The following FAF1 variants were observed in gnomAD, a reference collection of about 807,000 sequenced individuals.
The protein encoded by FAF1 is Fas associated factor 1, also known as FAS-associated factor 1.
A neutral mutation model predicts 92.5 loss-of-function variants in FAF1; 25 were observed. The observed-to-expected ratio is 0.27, with a 90% CI of 0.20 to 0.38. The LOEUF (loss-of-function observed/expected upper bound fraction) is 0.38, where lower values mean the gene tolerates loss of function less well. Ranked by LOEUF, FAF1 falls within the 10% of genes least tolerant of loss-of-function variation. The pLI, the probability that FAF1 is intolerant of heterozygous loss-of-function variation, is 1.00. For synonymous variants in FAF1, 234 were observed against 273.2 expected (o/e 0.86, Z 1.42); for missense variants, 636 against 793.3 (o/e 0.80, Z 2.38).
At chr1:50,852,039 T>C (rs192783375) in intron 2 of FAF1, among the ~76,000 whole-genome samples, 31 of 152,280 alleles carry the variant, frequency 2.0e-4, no homozygotes, top group African/African-American at 7.0e-4. Flanking sequence ...TGAGCTTTCC[T>C]TATATAGAAT....
intron 4 of FAF1, among the ~76,000 whole-genome samples, chr1:50,783,371 A>G (rs565469049): frequency 3.3e-5 from 5 of 152,238 alleles, no homozygotes; most frequent in African/African-American, 7.2e-5. Context: ...CCAGCATTAC[A>G]TCAATACCAA....
At chr1:50,570,013 C>T (rs1051955732) in intron 12 of FAF1, among the ~76,000 whole-genome samples, 4 of 152,100 alleles carry the variant, frequency 2.6e-5, no homozygotes, top group African/African-American at 9.7e-5. Flanking sequence ...GAGGATCAAC[C>T]ATTCTGCATT....
intron 7 of FAF1, among the ~76,000 whole-genome samples, chr1:50,676,888 A>G (rs556789926): frequency 6.6e-6 from 1 of 152,220 alleles, no homozygotes; most frequent in African/African-American, 2.4e-5. Flanking sequence ...GAGATATAGG[A>G]GTACATACTT....
intron 7 of FAF1, among the ~76,000 whole-genome samples, chr1:50,698,579 A>C (rs1269652829): frequency 6.6e-6 from 1 of 152,022 alleles, no homozygotes; most frequent in Non-Finnish European, 1.5e-5. Context: ...TGCTGCAAAA[A>C]ATTTTTTGCA....
At chr1:50,665,404 C>G (rs529034507) in intron 7 of FAF1, among the ~76,000 whole-genome samples, 1 of 152,276 alleles carries the variant, frequency 6.6e-6, no homozygotes, top group South Asian at 2.1e-4. Flanking sequence ...TTCATTGCAG[C>G]CTTGTTTATC....
chr1:50,868,579 T>C (rs1424182360), intron 1 of FAF1, among the ~76,000 whole-genome samples: 1 of 152,192 alleles, frequency 6.6e-6, no homozygotes, highest in Non-Finnish European at 1.5e-5. Context: ...TGTAGCTACA[T>C]CTCACAAATT....
At chr1:50,768,954 A>C (rs1218426550) in intron 4 of FAF1, among the ~76,000 whole-genome samples, 1 of 152,160 alleles carries the variant, frequency 6.6e-6, no homozygotes, top group Non-Finnish European at 1.5e-5. Flanking sequence ...AGCTGAACTG[A>C]AGGAAACTGA....
At chr1:50,867,244 A>G (rs899852690) in intron 1 of FAF1, among the ~76,000 whole-genome samples, 9 of 152,168 alleles carry the variant, frequency 5.9e-5, no homozygotes, top group African/African-American at 2.2e-4. Context: ...AGAAGATAAC[A>G]TTGGAAAAAC....
At chr1:50,530,250 T>C (rs1648072231) in intron 15 of FAF1, among the ~76,000 whole-genome samples, 1 of 149,496 alleles carries the variant, frequency 6.7e-6, no homozygotes, top group Non-Finnish European at 1.5e-5. Context: ...TGTGTGTGTG[T>C]GTGTGTGTGT....
chr1:50,461,843 T>C (rs1646434712), intron 18 of FAF1, among the ~76,000 whole-genome samples: 1 of 148,684 alleles, frequency 6.7e-6, no homozygotes, highest in Non-Finnish European at 1.5e-5. Flanking sequence ...CAGTTGATAT[T>C]GGACAAAGAT....
chr1:50,464,485 G>A (rs1646470795), intron 18 of FAF1, among the ~76,000 whole-genome samples: 1 of 152,144 alleles, frequency 6.6e-6, no homozygotes, highest in Admixed American at 6.6e-5. Context: ...CATTTTTACT[G>A]CATTTTACTA....
At chr1:50,491,445 T>C (rs1411906181) in intron 16 of FAF1, among the ~76,000 whole-genome samples, 1 of 152,210 alleles carries the variant, frequency 6.6e-6, no homozygotes, top group Non-Finnish European at 1.5e-5. Context: ...CCTAAAGAGC[T>C]TTCCAAAAAT....
intron 1 of FAF1, among the ~76,000 whole-genome samples, chr1:50,918,775 T>TC (rs1644940380): frequency 7.7e-6 from 1 of 130,350 alleles, no homozygotes; most frequent in Non-Finnish European, 1.6e-5. Flanking sequence ...CACACTGACT[T>TC]CCACAATGGT....
At chr1:50,813,615 C>G (rs1364424113) in intron 2 of FAF1, among the ~76,000 whole-genome samples, 1 of 152,094 alleles carries the variant, frequency 6.6e-6, no homozygotes, top group Non-Finnish European at 1.5e-5. Context: ...CAAGCACCAC[C>G]ATGCCCAACT....
Position 50,714,450 on chromosome 1 carries a change from T to C in FAF1, c.552-8559A>G, listed in dbSNP as rs1205779020. 1.3e-5 allele frequency among the ~76,000 whole-genome samples: 2 copies of C among 152,034 alleles called. 1 individual carries two copies. The highest frequency in any genetic ancestry group is 4.8e-5 in the African/African-American group (2 of 41,392). Reference sequence around the variant, plus strand: ...ATCTCTTGAACCTGGAAGGCAGAGATTGCAGTAAGCCAAGACTGCCACTGC... The same window carrying C: ...ATCTCTTGAACCTGGAAGGCAGAGACTGCAGTAAGCCAAGACTGCCACTGC... On this transcript the variant is annotated intron_variant, in intron 6 of 18. Coordinates refer to ENST00000396153, the MANE Select transcript of FAF1 (RefSeq NM_007051.3).
intron 18 of FAF1, among the ~76,000 whole-genome samples, chr1:50,468,083 C>T (rs544437191): frequency 2.7e-3 from 407 of 152,090 alleles, no homozygotes; most frequent in Non-Finnish European, 4.4e-3. Context: ...GTGTCATGCA[C>T]CTGTGGTCCC....
At chr1:50,683,630 A>G (rs2124373283) in intron 7 of FAF1, among the ~76,000 whole-genome samples, 1 of 152,042 alleles carries the variant, frequency 6.6e-6, no homozygotes, top group South Asian at 2.1e-4. Context: ...GTTTTAATAT[A>G]GTAATTTTTT....
intron 1 of FAF1, among the ~76,000 whole-genome samples, chr1:50,915,143 G>A (rs922999777): frequency 1.3e-5 from 2 of 152,118 alleles, no homozygotes; most frequent in Admixed American, 6.5e-5. Flanking sequence ...GGCTGAGGCG[G>A]ACAGATCACC....
At chr1:50,648,132 G>A (rs965847415) in intron 8 of FAF1, among the ~76,000 whole-genome samples, 4 of 152,160 alleles carry the variant, frequency 2.6e-5, no homozygotes, top group Non-Finnish European at 4.4e-5. Context: ...AGTGGCACAC[G>A]CCTGTAATCC....
Sources: gnomAD v4.1 joint callset for allele counts (sites outside exome capture counted in the v4.1 genomes callset) on GRCh38, gnomAD v4.1.1 for gene constraint, MANE v1.5 for transcripts, NCBI Gene and HGNC (gene_info 2026-07-23, HGNC 2026-07-21) for gene names.